COPG2: variants seen among roughly 807,000 people sequenced by gnomAD.
The protein encoded by COPG2 is coatomer subunit gamma-2.
COPG2 carries 37 observed loss-of-function variants against 46.3 expected under a neutral mutation model. That is an observed-to-expected ratio of 0.80 (90% CI 0.61 to 1.05). COPG2 has a LOEUF of 1.05. Ranked by LOEUF, COPG2 falls within the 50% of genes least tolerant of loss-of-function variation. The pLI is 0.00. For synonymous variants in COPG2, 159 were observed against 129.7 expected (o/e 1.23, Z -1.53); for missense variants, 427 against 387.8 (o/e 1.10, Z -0.85).
chr7:130,599,034 C>T (rs891505692), intron 9 of COPG2, among the ~76,000 whole-genome samples: 1 of 152,198 alleles, frequency 6.6e-6, no homozygotes, highest in Non-Finnish European at 1.5e-5. Context: ...CTTCTGATGA[C>T]CCACCCTTGG....
chr7:130,599,290 G>A (rs1201364398), intron 9 of COPG2, among the ~76,000 whole-genome samples: 3 of 152,176 alleles, frequency 2.0e-5, no homozygotes, highest in Non-Finnish European at 4.4e-5. Context: ...TGAACAACAT[G>A]TGAACAGAGC....
At chr7:130,527,757 G>GC (rs1349498789) in intron 20 of COPG2, among the ~76,000 whole-genome samples, 37 of 152,256 alleles carry the variant, frequency 2.4e-4, no homozygotes, top group Admixed American at 7.8e-4. Flanking sequence ...GCTGATGGAG[G>GC]CATCAGGGTC....
Position 130,586,500 on chromosome 7 carries a change from T to G in COPG2, c.738-22107A>C, listed in dbSNP as rs141263759. On this transcript the variant is annotated intron_variant, in intron 9 of 23. Coordinates refer to ENST00000425248, the MANE Select transcript of COPG2 (RefSeq NM_012133.6). The stretch of plus-strand genomic sequence containing the variant: ...TTTTTTGAGACAGAGTCTCGCTGTG[T>G]TGCCCAGGCAGGAATGCAGTGGCGC... Among the ~76,000 whole-genome samples the G allele has an allele frequency of 9.8e-3, 1,485 of 152,188 alleles. 25 individuals are homozygous for G. Among genetic ancestry groups the G allele is most frequent in the African/African-American group, 0.034 (1,407 of 41,574 alleles).
At chr7:130,609,693 T>C (rs888862112) in intron 9 of COPG2, among the ~76,000 whole-genome samples, 10 of 152,304 alleles carry the variant, frequency 6.6e-5, no homozygotes, top group African/African-American at 2.2e-4. Flanking sequence ...TTATTTTCTT[T>C]TCTTATTTTT....
At chr7:130,570,876 G>C (rs1554445451) in intron 9 of COPG2, among the ~76,000 whole-genome samples, 1 of 152,180 alleles carries the variant, frequency 6.6e-6, no homozygotes, top group Non-Finnish European at 1.5e-5. Flanking sequence ...TAACAGAATA[G>C]AGAACCCAGA....
intron 3 of COPG2, among the ~76,000 whole-genome samples, chr7:130,665,015 T>C (rs1554461212): frequency 6.6e-6 from 1 of 152,104 alleles, no homozygotes. Flanking sequence ...ACCCCGTCTC[T>C]ACTAAAAATA....
chr7:130,653,195 T>C (rs1426638505), intron 4 of COPG2, among the ~76,000 whole-genome samples: 1 of 152,170 alleles, frequency 6.6e-6, no homozygotes, highest in Non-Finnish European at 1.5e-5. Context: ...ATCTTTCTAC[T>C]GAGAGATACA....
intron 20 of COPG2, among the ~76,000 whole-genome samples, chr7:130,535,626 G>A (rs1229101653): frequency 2.0e-5 from 3 of 149,526 alleles, no homozygotes; most frequent in Admixed American, 2.0e-4. Flanking sequence ...GGATCCGGCA[G>A]GGAAGGGTGG....
At chr7:130,577,920 G>A (rs1554446532) in intron 9 of COPG2, among the ~76,000 whole-genome samples, 1 of 152,018 alleles carries the variant, frequency 6.6e-6, no homozygotes, top group African/African-American at 2.4e-5. Flanking sequence ...GAGGCTGGGG[G>A]AGGGGCGCCC....
intron 5 of COPG2, among the ~76,000 whole-genome samples, chr7:130,649,907 T>TA (rs1301533228): frequency 6.6e-6 from 1 of 152,188 alleles, no homozygotes; most frequent in Non-Finnish European, 1.5e-5. Context: ...ACCACAAACT[T>TA]AGAGGAAAAT....
intron 20 of COPG2, among the ~76,000 whole-genome samples, chr7:130,537,853 G>A (rs1429581684): frequency 2.0e-5 from 3 of 152,156 alleles, no homozygotes; most frequent in Non-Finnish European, 4.4e-5. Context: ...GGAGAGGTGA[G>A]ATGAGGCCAC....
chr7:130,556,979 A>G (rs1793636600), intron 12 of COPG2, among the ~76,000 whole-genome samples: 1 of 152,218 alleles, frequency 6.6e-6, no homozygotes, highest in Non-Finnish European at 1.5e-5. Flanking sequence ...CACTATCTCC[A>G]CAATTATTTA....
intron 20 of COPG2, among the ~76,000 whole-genome samples, chr7:130,545,455 G>A (rs1793425131): frequency 6.6e-6 from 1 of 152,060 alleles, no homozygotes; most frequent in Non-Finnish European, 1.5e-5. Flanking sequence ...GGTAAAATTT[G>A]GAATATCTGT....
rs375147233 is a variant in COPG2 at position 130,612,128 on chromosome 7, G to C, written c.579+24C>G. 154 of 1,507,634 alleles carry C rather than the reference G, an allele frequency of 1.0e-4. 1 individual carries two copies. In the African/African-American group the frequency reaches 1.7e-3, roughly 17 times the overall value. The allele number at this position is 1,507,634 out of a possible 1,614,324, so 93.4% of individuals were successfully genotyped here. A position where few individuals can be genotyped will look rare whatever the true frequency, so the allele number is the denominator to read the frequency against. ...TTAAAGAATGCTGATCCTGAGACAA[G>C]CTAATGTGATTCAATGACAATACCT... On this transcript the variant is annotated intron_variant, in intron 8 of 23. Coordinates refer to ENST00000425248, the MANE Select transcript of COPG2 (RefSeq NM_012133.6).
intron 9 of COPG2, among the ~76,000 whole-genome samples, chr7:130,591,811 A>G (rs1322369472): frequency 2.0e-5 from 3 of 147,228 alleles, no homozygotes; most frequent in East Asian, 4.2e-4. Flanking sequence ...CAGCCGCCCC[A>G]TCCGGGAGGT....
At chr7:130,594,439 G>A (rs1554449447) in intron 9 of COPG2, among the ~76,000 whole-genome samples, 1 of 152,094 alleles carries the variant, frequency 6.6e-6, no homozygotes, top group Non-Finnish European at 1.5e-5. Flanking sequence ...AAATCTTTGT[G>A]ACCTTGAATT....
intron 5 of COPG2, chr7:130,645,336 G>T: frequency 1.7e-6 from 1 of 573,398 alleles, no homozygotes; most frequent in Admixed American, 1.9e-5. Context: ...CAGCACAGTT[G>T]CCTTCTACTA....
chr7:130,635,652 C>T (rs1795322287), intron 5 of COPG2, among the ~76,000 whole-genome samples: 1 of 152,126 alleles, frequency 6.6e-6, no homozygotes, highest in Non-Finnish European at 1.5e-5. Context: ...TTCAAAAAAC[C>T]AGCTCCTGGA....
At position 130,608,340 on chromosome 7, in the gene COPG2, A is replaced by G. The variant is rs1794777524; in HGVS notation, c.737+2613T>C. 3.1e-5 allele frequency: 9 copies of G among 292,146 alleles called. No homozygotes were observed. In the Admixed American group the frequency reaches 4.2e-4, roughly 14 times the overall value. The allele number at this position is 292,146 out of a possible 1,614,324, so 18.1% of individuals were successfully genotyped here. A position where few individuals can be genotyped will look rare whatever the true frequency, so the allele number is the denominator to read the frequency against. On this transcript the variant is annotated intron_variant, in intron 9 of 23. Coordinates refer to ENST00000425248, the MANE Select transcript of COPG2 (RefSeq NM_012133.6). Reference sequence around the variant, plus strand: ...GCTGGTTTTAGTAAAAATTGTATATATTTATAATTTACCTACATATTTACC... The same window carrying G: ...GCTGGTTTTAGTAAAAATTGTATATGTTTATAATTTACCTACATATTTACC...
Sources: gnomAD v4.1 joint callset for allele counts (sites outside exome capture counted in the v4.1 genomes callset) on GRCh38, gnomAD v4.1.1 for gene constraint, MANE v1.5 for transcripts, NCBI Gene and HGNC (gene_info 2026-07-23, HGNC 2026-07-21) for gene names.